The following FMNL2 variants were observed in gnomAD, a reference collection of about 807,000 sequenced individuals.
FMNL2 encodes the protein formin-like protein 2.
A neutral mutation model predicts 130.2 loss-of-function variants in FMNL2; 51 were observed. The observed-to-expected ratio is 0.39, with a 90% CI of 0.31 to 0.49. The LOEUF (loss-of-function observed/expected upper bound fraction) is 0.49, where lower values mean the gene tolerates loss of function less well. Among genes scored for constraint, FMNL2 ranks in the 20% least tolerant of loss-of-function variants. The pLI, the probability that FMNL2 is intolerant of heterozygous loss-of-function variation, is 0.85. For missense variants in FMNL2, 977 were observed against 1,316.2 expected, an observed-to-expected ratio of 0.74 and a Z score of 3.99; for synonymous variants, 465 against 467.1, an observed-to-expected ratio of 1.00 and a Z score of 0.06.
intron 1 of FMNL2, among the ~76,000 whole-genome samples, chr2:152,378,986 C>CAGAAAAAAAA (rs1684316510): frequency 2.4e-5 from 1 of 41,980 alleles, no homozygotes; most frequent in African/African-American, 1.2e-4. Flanking sequence ...AGACCAGCTG[C>CAGAAAAAAAA]AAAAAAAAAA....
rs141867044 is a variant in FMNL2, at chr2:152,532,410, A to G, written c.202-10329A>G. 2.2e-3 allele frequency among the ~76,000 whole-genome samples: 328 copies of G among 152,214 alleles called. 4 individuals are homozygous for G. Among genetic ancestry groups the G allele is most frequent in the Non-Finnish European group, 6.9e-4 (47 of 68,002 alleles). The stretch of plus-strand genomic sequence containing the variant: ...TAGCGTCCCTGTTGCTCCAAATCCA[A>G]TCAACCCTTGGTATTGTCAGTCCGT... On this transcript the variant is annotated intron_variant, in intron 2 of 25. Coordinates refer to ENST00000288670, the MANE Select transcript of FMNL2 (RefSeq NM_052905.4).
At chr2:152,497,897 TG>T in intron 1 of FMNL2, among the ~76,000 whole-genome samples, 1 of 152,326 alleles carries the variant, frequency 6.6e-6, no homozygotes, top group East Asian at 1.9e-4. Context: ...GCTAACTGGT[TG>T]TTGGCAGAAT....
chr2:152,355,633 C>G (rs1348232971), intron 1 of FMNL2, among the ~76,000 whole-genome samples: 1 of 152,136 alleles, frequency 6.6e-6, no homozygotes, highest in Non-Finnish European at 1.5e-5. Flanking sequence ...GACCCTTTGT[C>G]CCTCTCCTTT....
Position 152,542,789 on chromosome 2 carries a change from A to C in FMNL2, c.252A>C (p.Lys84Asn). ...NPPHTYIQKL[K>N]GYLDPAVTRK... The stretch of plus-strand genomic sequence containing the variant: ...CCCATACATACATTCAAAAGCTCAA[A>C]GGCTATCTGGATCCAGCTGTAACCA... The change falls in exon 3 of 26, where the codon AAA becomes AAC. Residue 84 changes from lysine (K) to asparagine (N), a missense_variant. Around this residue, in one of 4 missense-constraint regions of FMNL2, gnomAD observed 117 missense variants for 134.9 expected, o/e 0.87. Coordinates refer to ENST00000288670, the MANE Select transcript of FMNL2 (RefSeq NM_052905.4). 6.2e-7 allele frequency: 1 copy of C among 1,614,044 alleles called. No homozygotes were observed. The highest frequency in any genetic ancestry group is 1.3e-5 in the African/African-American group (1 of 75,040).
rs1039588880 is a variant in FMNL2, at chr2:152,417,352, T to C, written c.117+81632T>C. 4.6e-5 allele frequency among the ~76,000 whole-genome samples: 7 copies of C among 152,184 alleles called. 1 individual carries two copies. Among genetic ancestry groups the C allele is most frequent in the Non-Finnish European group, 5.9e-5 (4 of 68,040 alleles). Reference sequence around the variant, plus strand: ...GTTCTGGTTTAAGCAGAAGTCTTCATTGAATGACATCGATGTGGAGAGAAA... The same window carrying C: ...GTTCTGGTTTAAGCAGAAGTCTTCACTGAATGACATCGATGTGGAGAGAAA... On this transcript the variant is annotated intron_variant, in intron 1 of 25. Transcript: ENST00000288670.
At chr2:152,593,781 C>A (rs542333352) in intron 9 of FMNL2, among the ~76,000 whole-genome samples, 40 of 147,516 alleles carry the variant, frequency 2.7e-4, no homozygotes, top group African/African-American at 9.2e-4. Context: ...AGGTCAGATT[C>A]TTAGCTGTGC....
rs557371083 is a variant in FMNL2 at position 152,474,123 on chromosome 2, C to T, written c.118-47820C>T. 1.1e-3 allele frequency among the ~76,000 whole-genome samples: 175 copies of T among 152,174 alleles called. 1 individual carries two copies. Among genetic ancestry groups the T allele is most frequent in the African/African-American group, 4.1e-3 (170 of 41,520 alleles). On this transcript the variant is annotated intron_variant, in intron 1 of 25. Coordinates refer to ENST00000288670, the MANE Select transcript of FMNL2 (RefSeq NM_052905.4). Reference sequence around the variant, plus strand: ...AACTCCTGGCCTCAAGTGATCTGCCCGCCTCAGCCTCCCAAGATGCTGAGA... The same window carrying T: ...AACTCCTGGCCTCAAGTGATCTGCCTGCCTCAGCCTCCCAAGATGCTGAGA...
At chr2:152,626,386 G>C (rs887770537) in intron 16 of FMNL2, 139 bp from the exon 17 acceptor site, 4 of 701,270 alleles carry the variant, frequency 5.7e-6, no homozygotes, top group Non-Finnish European at 9.5e-6. Context: ...ACAAAAACAA[G>C]AAAAATAGAG....
chr2:152,567,184 GC>G (rs1015466569), intron 6 of FMNL2, among the ~76,000 whole-genome samples: 2 of 151,950 alleles, frequency 1.3e-5, no homozygotes, highest in African/African-American at 4.8e-5. Context: ...TGATTAATTA[GC>G]CCCCCCAATA....
intron 1 of FMNL2, among the ~76,000 whole-genome samples, chr2:152,503,105 C>T (rs75443502): frequency 0.073 from 11,163 of 152,182 alleles, 661 homozygotes; most frequent in Admixed American, 0.21. Flanking sequence ...TCATGACACT[C>T]GTTCAAGATG....
chr2:152,574,475 G>A (rs1018552130), intron 6 of FMNL2, among the ~76,000 whole-genome samples: 10 of 149,096 alleles, frequency 6.7e-5, no homozygotes, highest in Non-Finnish European at 1.5e-4. Flanking sequence ...AGATGTGTAA[G>A]GTTTGTCTAC....
intron 1 of FMNL2, among the ~76,000 whole-genome samples, chr2:152,520,426 C>T (rs1463484190): frequency 6.6e-6 from 1 of 151,912 alleles, no homozygotes; most frequent in African/African-American, 2.4e-5. Context: ...GAAACCCCGT[C>T]TCTATTAAGA....
At chr2:152,477,283 A>T (rs1223929103) in intron 1 of FMNL2, among the ~76,000 whole-genome samples, 1 of 152,232 alleles carries the variant, frequency 6.6e-6, no homozygotes, top group Non-Finnish European at 1.5e-5. Context: ...ACTCATCATT[A>T]GCCTTCACTT....
intron 4 of FMNL2, among the ~76,000 whole-genome samples, chr2:152,551,036 G>A (rs1694909432): frequency 6.6e-6 from 1 of 151,746 alleles, no homozygotes; most frequent in Non-Finnish European, 1.5e-5. Flanking sequence ...CTGCTTGGGA[G>A]GCTGAGGCAG....
chr2:152,597,962 A>T (rs1697855003), intron 9 of FMNL2, among the ~76,000 whole-genome samples: 1 of 152,202 alleles, frequency 6.6e-6, no homozygotes, highest in African/African-American at 2.4e-5. Flanking sequence ...CTGTAGACAA[A>T]CTGCAGGCAT....
At position 152,648,805 on chromosome 2, in the gene FMNL2, C is replaced by G. The variant is rs1353201034; in HGVS notation, c.*900C>G. 3.3e-5 allele frequency: 5 copies of G among 152,568 alleles called. No individual in the cohort carries two copies. Among genetic ancestry groups the G allele is most frequent in the African/African-American group, 1.2e-4 (5 of 41,444 alleles). 9.5% of individuals were successfully genotyped at this position (152,568 alleles called of 1,614,324 possible). On this transcript the variant is annotated 3_prime_UTR_variant, in exon 26 of 26. Coordinates refer to ENST00000288670, the MANE Select transcript of FMNL2 (RefSeq NM_052905.4). ...TCTCCTCTGACAATCGCAATTTTTTCTTATTTTTTATAAATTCAAGAAGAT... is the reference window on the plus strand; with the variant it reads ...TCTCCTCTGACAATCGCAATTTTTTGTTATTTTTTATAAATTCAAGAAGAT...
chr2:152,631,764 G>C (rs1682187030), intron 20 of FMNL2, among the ~76,000 whole-genome samples: 1 of 152,162 alleles, frequency 6.6e-6, no homozygotes, highest in South Asian at 2.1e-4. Flanking sequence ...ATCATTCTTA[G>C]GTGCTTAGAG....
At chr2:152,629,551 C>G in intron 18 of FMNL2, 105 bp from the exon 19 acceptor site, 1 of 1,021,308 alleles carries the variant, frequency 9.8e-7, no homozygotes, top group East Asian at 2.6e-5. Context: ...CCTGTATGCT[C>G]TAAATGCAGG....
intron 1 of FMNL2, among the ~76,000 whole-genome samples, chr2:152,430,343 A>G (rs565717356): frequency 1.0e-3 from 152 of 152,240 alleles, no homozygotes; most frequent in African/African-American, 3.5e-3. Flanking sequence ...TTGTGTGCAC[A>G]CTCACCTTTT....
Sources: allele counts gnomAD v4.1 joint callset (sites outside exome capture counted in the v4.1 genomes callset), GRCh38; gene constraint gnomAD v4.1.1; regional missense constraint gnomAD v4.1.1; transcripts MANE v1.5; gene names NCBI Gene and HGNC (gene_info 2026-07-23, HGNC 2026-07-21).